Variants in FBXW11 observed in about 807,000 individuals in gnomAD.
The protein encoded by FBXW11 is F-box and WD repeat domain containing 11.
A neutral mutation model predicts 77.6 loss-of-function variants in FBXW11; 19 were observed. The observed-to-expected ratio is 0.24, with a 90% confidence interval of 0.17 to 0.36. FBXW11 has a LOEUF of 0.36. FBXW11 is among the 10% of genes least tolerant of loss of function. The pLI is 1.00. For synonymous variants in FBXW11, 235 were observed against 249.4 expected (o/e 0.94, Z 0.54); for missense variants, 334 against 704.2 (o/e 0.47, Z 5.95).
intron 2 of FBXW11, among the ~76,000 whole-genome samples, chr5:171,935,800 A>G (rs1227311837): frequency 6.6e-6 from 1 of 152,164 alleles, no homozygotes; most frequent in Non-Finnish European, 1.5e-5. Flanking sequence ...CATTTAAAAC[A>G]ATTATGGCTC....
intron 2 of FBXW11, among the ~76,000 whole-genome samples, chr5:171,940,265 G>A (rs567149954): frequency 6.6e-6 from 1 of 152,328 alleles, no homozygotes; most frequent in Admixed American, 6.5e-5. Flanking sequence ...GCTAGAATGA[G>A]ATCTGTGAGA....
Position 171,862,220 on chromosome 5 carries a change from C to G in FBXW11, c.*1907G>C, listed in dbSNP as rs1254558276. The G allele has an allele frequency of 6.6e-6, 1 of 152,526 alleles. No homozygotes were observed. The highest frequency in any genetic ancestry group is 2.4e-5 in the African/African-American group (1 of 41,430). The allele number at this position is 152,526 out of a possible 1,614,324, so 9.4% of individuals were successfully genotyped here. Reference sequence around the variant, plus strand: ...GCTAAATCACTTTCACAACCACCATCAAGCTTACAACATCCACCTTATGAA... The same window carrying G: ...GCTAAATCACTTTCACAACCACCATGAAGCTTACAACATCCACCTTATGAA... On this transcript the variant is annotated 3_prime_UTR_variant, in exon 14 of 14. Transcript: ENST00000517395.
intron 2 of FBXW11, among the ~76,000 whole-genome samples, chr5:171,936,479 T>C (rs572820643): frequency 7.7e-5 from 10 of 129,072 alleles, no homozygotes; most frequent in East Asian, 6.6e-4. Flanking sequence ...CTGGGCAACA[T>C]AGTGAGAGCC....
intron 1 of FBXW11, among the ~76,000 whole-genome samples, chr5:171,967,696 G>C (rs1764269641): frequency 6.6e-6 from 1 of 151,748 alleles, no homozygotes; most frequent in African/African-American, 2.4e-5. Context: ...AAAATTAGCT[G>C]GGTGTAGTGG....
At chr5:171,957,759 C>T (rs1763689969) in intron 1 of FBXW11, 61 bp from the exon 2 acceptor site, 1 of 1,395,774 alleles carries the variant, frequency 7.2e-7, no homozygotes. Flanking sequence ...CAAATCACTC[C>T]TTCACACAGG....
chr5:171,941,251 G>A (rs1377677082), intron 2 of FBXW11, among the ~76,000 whole-genome samples: 2 of 152,136 alleles, frequency 1.3e-5, no homozygotes, highest in East Asian at 1.9e-4. Context: ...AACAGAAATC[G>A]CTTTTATGAT....
chr5:171,892,427 A>G (rs564865658), intron 6 of FBXW11, among the ~76,000 whole-genome samples: 39 of 152,382 alleles, frequency 2.6e-4, no homozygotes, highest in African/African-American at 7.2e-4. Flanking sequence ...GACTAGCTGG[A>G]AATCACACTC....
intron 2 of FBXW11, among the ~76,000 whole-genome samples, chr5:171,951,214 A>AC (rs1763296880): frequency 6.6e-6 from 1 of 151,686 alleles, no homozygotes; most frequent in Admixed American, 6.6e-5. Flanking sequence ...AGACAAAAAA[A>AC]AAATTGTAGT....
chr5:171,981,050 G>A (rs1765115854), intron 1 of FBXW11, among the ~76,000 whole-genome samples: 1 of 152,136 alleles, frequency 6.6e-6, no homozygotes, highest in Non-Finnish European at 1.5e-5. Flanking sequence ...GAAAGGGACT[G>A]GAGACGGGAG....
At chr5:171,943,215 G>A (rs1393420965) in intron 2 of FBXW11, among the ~76,000 whole-genome samples, 1 of 152,176 alleles carries the variant, frequency 6.6e-6, no homozygotes, top group Non-Finnish European at 1.5e-5. Context: ...TTGGCAGCTT[G>A]TTCTCTGCAT....
At chr5:171,963,683 A>T (rs1043176651) in intron 1 of FBXW11, among the ~76,000 whole-genome samples, 15 of 152,174 alleles carry the variant, frequency 9.9e-5, no homozygotes, top group Admixed American at 9.2e-4. Context: ...ATGGAGGTGG[A>T]GGTGGACAGG....
intron 1 of FBXW11, among the ~76,000 whole-genome samples, chr5:171,992,128 GAAAA>G (rs397768542): frequency 1.2e-5 from 1 of 85,356 alleles, no homozygotes; most frequent in East Asian, 4.7e-4. Flanking sequence ...AAGAAAAAAA[GAAAA>G]AAAAAAAAAA....
Position 171,915,411 on chromosome 5 carries a change from A to T in FBXW11, c.148-1006T>A, listed in dbSNP as rs1308943164. On this transcript the variant is annotated intron_variant, in intron 2 of 13. Coordinates refer to ENST00000517395, the MANE Select transcript of FBXW11 (RefSeq NM_001378974.1). ...TTCCTTTATGTTCTACAAGTCCTAA[A>T]ATGTTTGGACTATTTATACAGTATT... 2.0e-5 allele frequency among the ~76,000 whole-genome samples: 3 copies of T among 152,180 alleles called. No homozygotes were observed. The South Asian group carries it at 6.2e-4, about 31-fold the overall frequency.
At chr5:172,000,869 ATGC>A (rs1766372999) in intron 1 of FBXW11, among the ~76,000 whole-genome samples, 1 of 152,214 alleles carries the variant, frequency 6.6e-6, no homozygotes, top group South Asian at 2.1e-4. Flanking sequence ...TTCAAAGCCC[ATGC>A]CCTTTCTGCT....
intron 7 of FBXW11, among the ~76,000 whole-genome samples, chr5:171,888,931 GA>G (rs1282682665): frequency 2.0e-5 from 3 of 152,230 alleles, no homozygotes; most frequent in Admixed American, 6.5e-5. Flanking sequence ...ATGAAGAGAT[GA>G]AAAATTCAGT....
intron 7 of FBXW11, among the ~76,000 whole-genome samples, chr5:171,886,874 GC>G: frequency 6.6e-6 from 1 of 152,024 alleles, no homozygotes; most frequent in Non-Finnish European, 1.5e-5. Context: ...AATTAGCCAG[GC>G]CTGGTGGCAG....
chr5:171,979,652 C>T (rs1017088233), intron 1 of FBXW11, among the ~76,000 whole-genome samples: 1 of 152,102 alleles, frequency 6.6e-6, no homozygotes, highest in African/African-American at 2.4e-5. Flanking sequence ...ATCCCTACCG[C>T]AACCATAAAA....
At chr5:171,998,919 A>AT (rs1182123495) in intron 1 of FBXW11, among the ~76,000 whole-genome samples, 1 of 152,138 alleles carries the variant, frequency 6.6e-6, no homozygotes, top group East Asian at 1.9e-4. Context: ...GAACCCAAGT[A>AT]ATTTTTAAAT....
intron 1 of FBXW11, among the ~76,000 whole-genome samples, chr5:171,966,412 G>C (rs925725831): frequency 6.6e-6 from 1 of 152,146 alleles, no homozygotes. Flanking sequence ...AAGTTTTTCA[G>C]AGCTCTTACA....
Sources: gnomAD v4.1 joint callset for allele counts (sites outside exome capture counted in the v4.1 genomes callset) on GRCh38, gnomAD v4.1.1 for gene constraint, MANE v1.5 for transcripts, NCBI Gene and HGNC (gene_info 2026-07-23, HGNC 2026-07-21) for gene names.